Variants in GRM1 observed in about 807,000 individuals in gnomAD.
GRM1 encodes glutamate metabotropic receptor 1, also known as metabotropic glutamate receptor 1.
In GRM1, 33 loss-of-function variants were observed where a neutral mutation model predicts 90.9. That is an observed-to-expected ratio of 0.36 (90% CI 0.28 to 0.49). GRM1 has a LOEUF of 0.49. GRM1 is among the 20% of genes least tolerant of loss of function. GRM1 has a pLI of 0.99. For missense variants in GRM1, 1,190 were observed against 1,534.3 expected, an observed-to-expected ratio of 0.78 and a Z score of 3.75; for synonymous variants, 700 against 613.2, an observed-to-expected ratio of 1.14 and a Z score of -2.09.
chr6:146,316,997 G>T (rs981911224), intron 3 of GRM1, among the ~76,000 whole-genome samples: 3 of 152,168 alleles, frequency 2.0e-5, no homozygotes, highest in African/African-American at 7.2e-5. Context: ...TAATAGCCAT[G>T]CCTACAATTC....
chr6:146,375,085 A>G (rs1776045585), intron 5 of GRM1, among the ~76,000 whole-genome samples: 1 of 151,870 alleles, frequency 6.6e-6, no homozygotes, highest in Non-Finnish European at 1.5e-5. Flanking sequence ...ATTATAATTC[A>G]TTTCAATAAA....
At position 146,069,880 on chromosome 6, in the gene GRM1, G is replaced by A. The variant is rs376553886; in HGVS notation, c.700+39663G>A. On this transcript the variant is annotated intron_variant, in intron 1 of 7. Transcript: ENST00000282753. ...TACAAACTCATTTTATCTTCATAACGACTCCACTCAGGAGGAAGAAATTGA... is the reference window on the plus strand; with the variant it reads ...TACAAACTCATTTTATCTTCATAACAACTCCACTCAGGAGGAAGAAATTGA... Among the ~76,000 whole-genome samples the A allele has an allele frequency of 6.6e-5, 10 of 152,154 alleles. No individual in the cohort carries two copies. The South Asian group carries it at 8.3e-4, about 13-fold the overall frequency.
chr6:146,355,258 G>A (rs1785543778), intron 4 of GRM1, among the ~76,000 whole-genome samples: 1 of 152,180 alleles, frequency 6.6e-6, no homozygotes, highest in Non-Finnish European at 1.5e-5. Flanking sequence ...TATCAGAGGT[G>A]TAGATTAGTG....
In GRM1 at chr6:146,029,676, C is replaced by A. The variant is rs1361543864; in HGVS notation, c.159C>A (p.Val53=). The A allele has an allele frequency of 6.2e-7, 1 of 1,614,038 alleles. No individual in the cohort carries two copies. Among genetic ancestry groups the A allele is most frequent in the African/African-American group, 1.3e-5 (1 of 74,904 alleles). Residue 53 remains valine, a synonymous_variant, in exon 1 of 8, where the codon GTC becomes GTA. Transcript: ENST00000282753. ...GDVIIGALFS[V]HHQPPAEKVP... is the part of the protein sequence containing the mutation. ...TCATCATTGGAGCCCTCTTCTCAGT[C>A]CATCACCAGCCTCCGGCCGAGAAAG...
At chr6:146,142,075 T>G (rs577987952) in intron 1 of GRM1, among the ~76,000 whole-genome samples, 2 of 152,118 alleles carry the variant, frequency 1.3e-5, no homozygotes, top group African/African-American at 2.4e-5. Context: ...GTTATCTAAG[T>G]TTTTGGTCAT....
intron 2 of GRM1, among the ~76,000 whole-genome samples, chr6:146,176,395 G>A (rs548136640): frequency 6.0e-4 from 92 of 152,120 alleles, no homozygotes; most frequent in African/African-American, 2.2e-3. Flanking sequence ...TATCTTACCT[G>A]TTTTTGAGGA....
chr6:146,334,607 T>G (rs1784703492), intron 3 of GRM1, among the ~76,000 whole-genome samples: 1 of 152,208 alleles, frequency 6.6e-6, no homozygotes, highest in Admixed American at 6.5e-5. Flanking sequence ...TACTGAAAGT[T>G]GCATTGGTCA....
chr6:146,166,483 G>T (rs1777908347), intron 2 of GRM1, among the ~76,000 whole-genome samples: 1 of 152,012 alleles, frequency 6.6e-6, no homozygotes, highest in Admixed American at 6.6e-5. Flanking sequence ...TGCCTTCAAG[G>T]TTTTTGTCTT....
intron 2 of GRM1, among the ~76,000 whole-genome samples, chr6:146,161,036 G>A (rs1316701875): frequency 6.6e-6 from 1 of 152,156 alleles, no homozygotes; most frequent in African/African-American, 2.4e-5. Flanking sequence ...TGAAAAGAAG[G>A]TAAGCAGTAT....
chr6:146,045,974 G>C (rs956857848), intron 1 of GRM1, among the ~76,000 whole-genome samples: 1 of 151,786 alleles, frequency 6.6e-6, no homozygotes, highest in African/African-American at 2.4e-5. Flanking sequence ...TAGCGCCCGT[G>C]GGCAGCAAGA....
At chr6:146,166,068 A>T (rs1190022601) in intron 2 of GRM1, among the ~76,000 whole-genome samples, 5 of 152,072 alleles carry the variant, frequency 3.3e-5, no homozygotes, top group African/African-American at 1.2e-4. Context: ...ACGGAAAAGG[A>T]TGTCATTATG....
chr6:146,064,653 T>C (rs1302760388), intron 1 of GRM1, among the ~76,000 whole-genome samples: 1 of 151,864 alleles, frequency 6.6e-6, no homozygotes, highest in East Asian at 1.9e-4. Context: ...AGGGGTCAGA[T>C]TTGTTCTTTT....
intron 2 of GRM1, among the ~76,000 whole-genome samples, chr6:146,170,062 T>A (rs1157164945): frequency 6.6e-6 from 1 of 152,156 alleles, no homozygotes; most frequent in Non-Finnish European, 1.5e-5. Context: ...CTAACAACTT[T>A]TTTTTCCCTC....
intron 2 of GRM1, among the ~76,000 whole-genome samples, chr6:146,200,711 G>A (rs957435560): frequency 6.6e-6 from 1 of 152,136 alleles, no homozygotes; most frequent in Non-Finnish European, 1.5e-5. Flanking sequence ...TGGTGGGGGG[G>A]ATGGTGAAAG....
intron 1 of GRM1, among the ~76,000 whole-genome samples, chr6:146,092,382 A>G (rs985622638): frequency 6.6e-6 from 1 of 152,066 alleles, no homozygotes; most frequent in Non-Finnish European, 1.5e-5. Context: ...AACATCAACT[A>G]TCTTCACCTT....
chr6:146,173,529 T>C (rs1466499897), intron 2 of GRM1, among the ~76,000 whole-genome samples: 1 of 152,062 alleles, frequency 6.6e-6, no homozygotes, highest in Admixed American at 6.5e-5. Flanking sequence ...TGATGAATAG[T>C]AAAATAATTA....
At chr6:146,230,537 C>A (rs1457500121) in intron 2 of GRM1, among the ~76,000 whole-genome samples, 3 of 152,120 alleles carry the variant, frequency 2.0e-5, no homozygotes, top group African/African-American at 7.2e-5. Context: ...GGATGTGGAA[C>A]AACAGGAACT....
At chr6:146,282,459 A>G (rs1782603831) in intron 2 of GRM1, among the ~76,000 whole-genome samples, 1 of 152,074 alleles carries the variant, frequency 6.6e-6, no homozygotes, top group African/African-American at 2.4e-5. Flanking sequence ...CATAGCAGCC[A>G]CTCAAAAAAT....
intron 1 of GRM1, among the ~76,000 whole-genome samples, chr6:146,056,446 A>C (rs1005381162): frequency 1.3e-5 from 2 of 152,166 alleles, no homozygotes; most frequent in African/African-American, 4.8e-5. Context: ...TTGAAACACC[A>C]TATAGACCCA....
Sources: gnomAD v4.1 joint callset for allele counts (sites outside exome capture counted in the v4.1 genomes callset) on GRCh38, gnomAD v4.1.1 for gene constraint, MANE v1.5 for transcripts, NCBI Gene and HGNC (gene_info 2026-07-23, HGNC 2026-07-21) for gene names.